Variants in DOK5 observed in about 807,000 individuals in gnomAD.
DOK5 encodes docking protein 5, also known as downstream of tyrosine kinase 5.
In DOK5, 27 loss-of-function variants were observed where a neutral mutation model predicts 43.3. That is an observed-to-expected ratio of 0.62 (90% CI 0.46 to 0.86). The LOEUF (loss-of-function observed/expected upper bound fraction) is 0.86, where lower values mean the gene tolerates loss of function less well. Among genes scored for constraint, DOK5 ranks in the 40% least tolerant of loss-of-function variants. The probability of loss-of-function intolerance (pLI) is 0.00; values close to 1 mark genes in which losing one functional copy is unlikely to be tolerated. For synonymous variants in DOK5, 146 were observed against 140.1 expected, an observed-to-expected ratio of 1.04 and a Z score of -0.30; for missense variants, 373 against 392.9, an observed-to-expected ratio of 0.95 and a Z score of 0.43.
intron 7 of DOK5, among the ~76,000 whole-genome samples, chr20:54,644,465 G>A (rs1416594272): frequency 1.3e-5 from 2 of 152,034 alleles, no homozygotes; most frequent in African/African-American, 4.8e-5. Flanking sequence ...AGCACTTTGG[G>A]AGGCCGAGGC....
chr20:54,643,314 T>C, intron 6 of DOK5, 144 bp from the exon 7 acceptor site: 1 of 1,131,808 alleles, frequency 8.8e-7, no homozygotes. Flanking sequence ...CTGGCCACCA[T>C]GCCCACCACC....
chr20:54,575,972 G>T (rs1985440793), intron 2 of DOK5, among the ~76,000 whole-genome samples: 1 of 152,052 alleles, frequency 6.6e-6, no homozygotes, highest in Admixed American at 6.6e-5. Flanking sequence ...TTCCATATTT[G>T]AAAATCTTAA....
intron 1 of DOK5, among the ~76,000 whole-genome samples, chr20:54,480,873 T>C (rs1345956349): frequency 6.6e-6 from 1 of 151,634 alleles, no homozygotes. Flanking sequence ...TCTCAGCTCC[T>C]ACCCTCTCAA....
rs16999736 is a variant in DOK5, at chr20:54,526,356, C to T, written c.67-28577C>T. Among the ~76,000 whole-genome samples, 290 of 152,120 alleles carry T rather than the reference C, an allele frequency of 1.9e-3. 2 individuals are homozygous for T. The highest frequency in any genetic ancestry group is 6.7e-3 in the African/African-American group (276 of 41,456). On this transcript the variant is annotated intron_variant, in intron 1 of 7. Coordinates refer to ENST00000262593, the MANE Select transcript of DOK5 (RefSeq NM_018431.5). ...GACGACGACGGCATGGCGCCAGGATCCATGGAGTTTTAGCTAGTGAATATT... is the reference window on the plus strand; with the variant it reads ...GACGACGACGGCATGGCGCCAGGATTCATGGAGTTTTAGCTAGTGAATATT...
intron 6 of DOK5, among the ~76,000 whole-genome samples, chr20:54,621,125 C>T (rs118041835): frequency 2.0e-3 from 302 of 152,296 alleles, no homozygotes; most frequent in Non-Finnish European, 3.9e-3. Flanking sequence ...CCTTCACTAA[C>T]GCTATTATAA....
At chr20:54,635,877 T>G (rs1270611768) in intron 6 of DOK5, among the ~76,000 whole-genome samples, 2 of 152,224 alleles carry the variant, frequency 1.3e-5, no homozygotes, top group African/African-American at 4.8e-5. Context: ...ATATCTTAGT[T>G]TATTTTTACG....
chr20:54,479,912 T>C (rs530498387), intron 1 of DOK5, among the ~76,000 whole-genome samples: 4 of 152,088 alleles, frequency 2.6e-5, no homozygotes, highest in Admixed American at 2.6e-4. Flanking sequence ...CTACAGGCAA[T>C]CCATCAGGAG....
chr20:54,529,455 A>G (rs1983689254), intron 1 of DOK5, among the ~76,000 whole-genome samples: 1 of 152,090 alleles, frequency 6.6e-6, no homozygotes, highest in Non-Finnish European at 1.5e-5. Flanking sequence ...CAAGATGAGG[A>G]TGATTTTATT....
intron 1 of DOK5, among the ~76,000 whole-genome samples, chr20:54,492,823 G>C (rs984436616): frequency 2.0e-5 from 3 of 151,948 alleles, no homozygotes; most frequent in African/African-American, 4.8e-5. Context: ...GGAGGCCAAG[G>C]GGGGTGGATC....
At chr20:54,627,137 G>T (rs1306431508) in intron 6 of DOK5, among the ~76,000 whole-genome samples, 1 of 151,884 alleles carries the variant, frequency 6.6e-6, no homozygotes, top group Non-Finnish European at 1.5e-5. Flanking sequence ...CAGATTTTTT[G>T]CCATTAAAAC....
intron 6 of DOK5, among the ~76,000 whole-genome samples, chr20:54,623,356 G>A (rs1182459199): frequency 4.6e-5 from 7 of 152,024 alleles, no homozygotes; most frequent in Non-Finnish European, 8.8e-5. Context: ...CTTGAAGCTG[G>A]GCCAGAATTG....
intron 5 of DOK5, among the ~76,000 whole-genome samples, chr20:54,594,449 G>A (rs1473139602): frequency 6.6e-6 from 1 of 152,080 alleles, no homozygotes; most frequent in Non-Finnish European, 1.5e-5. Context: ...ATTTTTTTTG[G>A]TAAGGTTGGT....
chr20:54,476,790 A>G (rs1291732114), intron 1 of DOK5, among the ~76,000 whole-genome samples: 1 of 150,776 alleles, frequency 6.6e-6, no homozygotes, highest in Non-Finnish European at 1.5e-5. Context: ...CTTCCTTAAA[A>G]CTCCCTCTCT....
intron 1 of DOK5, among the ~76,000 whole-genome samples, chr20:54,548,990 C>T (rs2146722981): frequency 6.6e-6 from 1 of 152,314 alleles, no homozygotes; most frequent in Middle Eastern, 3.4e-3. Context: ...CTCTCTCAAA[C>T]TCAAGATGGC....
intron 1 of DOK5, among the ~76,000 whole-genome samples, chr20:54,515,633 T>C (rs913986421): frequency 6.6e-6 from 1 of 152,218 alleles, no homozygotes; most frequent in African/African-American, 2.4e-5. Context: ...CCTACCAATG[T>C]CAGTTCAGAT....
At position 54,561,464 on chromosome 20, in the gene DOK5, C is replaced by T. The variant is rs367835033; in HGVS notation, c.174+6424C>T. On this transcript the variant is annotated intron_variant, in intron 2 of 7. Transcript: ENST00000262593. ...TCTTTCCTACTGATTCGAAAATGGG[C>T]GTCAGCCATCTTGGCCCATGATACT... is the stretch of plus-strand genomic sequence containing the variant. 1.4e-3 allele frequency among the ~76,000 whole-genome samples: 211 copies of T among 152,282 alleles called. 2 individuals carry two copies. Among genetic ancestry groups the T allele is most frequent in the African/African-American group, 4.8e-3 (199 of 41,558 alleles).
chr20:54,517,649 T>TCTG (rs1205198238), intron 1 of DOK5, among the ~76,000 whole-genome samples: 4 of 152,194 alleles, frequency 2.6e-5, no homozygotes, highest in African/African-American at 9.7e-5. Context: ...TGATAGTGTC[T>TCTG]CTGCAGTGGC....
chr20:54,609,092 G>A (rs1384710571), intron 5 of DOK5, among the ~76,000 whole-genome samples: 3 of 152,154 alleles, frequency 2.0e-5, no homozygotes, highest in Non-Finnish European at 4.4e-5. Flanking sequence ...CTGTCATTTG[G>A]CTGTGGTACT....
At chr20:54,525,276 A>G (rs779023470) in intron 1 of DOK5, among the ~76,000 whole-genome samples, 20 of 152,240 alleles carry the variant, frequency 1.3e-4, no homozygotes, top group Non-Finnish European at 2.1e-4. Context: ...GAGGAATATT[A>G]CAATATTACA....
Sources: allele counts gnomAD v4.1 joint callset (sites outside exome capture counted in the v4.1 genomes callset), GRCh38; gene constraint gnomAD v4.1.1; transcripts MANE v1.5; gene names NCBI Gene and HGNC (gene_info 2026-07-23, HGNC 2026-07-21).